TRIM44: variants seen among roughly 807,000 people sequenced by gnomAD.
TRIM44 encodes the protein tripartite motif containing 44.
Under a neutral mutation model 37.4 loss-of-function variants are expected in TRIM44, and 13 were observed. The observed-to-expected ratio is 0.35, with a 90% confidence interval of 0.23 to 0.55. TRIM44 has a LOEUF of 0.55. Ranked by LOEUF, TRIM44 falls within the 20% of genes least tolerant of loss-of-function variation. The pLI is 0.89. For missense variants in TRIM44, 426 were observed against 437.2 expected, an observed-to-expected ratio of 0.97 and a Z score of 0.23; for synonymous variants, 175 against 157.2, an observed-to-expected ratio of 1.11 and a Z score of -0.85.
chr11:35,735,608 C>G (rs1032669101), intron 4 of TRIM44, among the ~76,000 whole-genome samples, 163 bp downstream of exon 4: 4 of 152,122 alleles, frequency 2.6e-5, no homozygotes, highest in Non-Finnish European at 5.9e-5. Flanking sequence ...ACTCCCGTCT[C>G]CCTCTCATCT....
At chr11:35,765,410 C>G (rs2133862622) in intron 4 of TRIM44, among the ~76,000 whole-genome samples, 1 of 152,238 alleles carries the variant, frequency 6.6e-6, no homozygotes. Flanking sequence ...ACTAGTTCTT[C>G]CTAGGAATCA....
intron 2 of TRIM44, among the ~76,000 whole-genome samples, chr11:35,708,982 G>GCC (rs11286693): frequency 2.7e-5 from 4 of 148,108 alleles, no homozygotes; most frequent in South Asian, 2.2e-4. Flanking sequence ...ATGTTGCCAT[G>GCC]CCCCCCCCCC....
At chr11:35,731,514 T>C (rs1454579819) in intron 3 of TRIM44, among the ~76,000 whole-genome samples, 1 of 152,222 alleles carries the variant, frequency 6.6e-6, no homozygotes, top group Admixed American at 6.5e-5. Flanking sequence ...TAAGGCATAT[T>C]GGTTTATATA....
intron 4 of TRIM44, among the ~76,000 whole-genome samples, chr11:35,797,310 T>A (rs1853306442): frequency 6.6e-6 from 1 of 152,054 alleles, no homozygotes; most frequent in Non-Finnish European, 1.5e-5. Flanking sequence ...ATATAAATGA[T>A]CAAATAAATA....
chr11:35,688,825 TCAGGTGATG>T (rs1463094598), intron 2 of TRIM44, among the ~76,000 whole-genome samples: 1 of 152,248 alleles, frequency 6.6e-6, no homozygotes, highest in African/African-American at 2.4e-5. Context: ...TATGAAATTA[TCAGGTGATG>T]CTGATGTTGC....
intron 2 of TRIM44, among the ~76,000 whole-genome samples, chr11:35,707,251 A>G (rs1022943811): frequency 5.3e-5 from 8 of 152,236 alleles, no homozygotes; most frequent in African/African-American, 1.2e-4. Context: ...CCACTGCTCA[A>G]TGAAACAAAA....
intron 4 of TRIM44, among the ~76,000 whole-genome samples, chr11:35,774,088 A>G (rs1162246583): frequency 1.3e-5 from 2 of 152,242 alleles, no homozygotes; most frequent in Non-Finnish European, 2.9e-5. Flanking sequence ...AGTCCCACCA[A>G]CAGTGTAAAA....
In TRIM44 at chr11:35,806,418, T is replaced by TC. The variant is rs772820984; in HGVS notation, c.*37dup. On this transcript the variant is annotated 3_prime_UTR_variant, in exon 5 of 5. Coordinates refer to ENST00000299413, the MANE Select transcript of TRIM44 (RefSeq NM_017583.6). ...CTACCCCCAGTGGAAAATCATCCCC[T>TC]CCCCTTGTGTGTATGTGACAGCGTG... The TC allele has an allele frequency of 1.9e-6, 3 of 1,612,332 alleles. No individual in the cohort carries two copies. The highest frequency in any genetic ancestry group is 1.7e-6 in the Non-Finnish European group (2 of 1,178,650).
chr11:35,803,230 CT>C (rs1853392841), intron 4 of TRIM44, among the ~76,000 whole-genome samples: 1 of 151,252 alleles, frequency 6.6e-6, no homozygotes, highest in East Asian at 1.9e-4. Flanking sequence ...TGGTAAGTAC[CT>C]GCTATAGAAC....
rs553286622 is a variant in TRIM44, at chr11:35,793,655, G to A, written c.1008-12703G>A. 4.6e-5 allele frequency among the ~76,000 whole-genome samples: 7 copies of A among 152,290 alleles called. No homozygotes were observed. The South Asian group carries it at 1.2e-3, about 27-fold the overall frequency. On this transcript the variant is annotated intron_variant, in intron 4 of 4. Coordinates refer to ENST00000299413, the MANE Select transcript of TRIM44 (RefSeq NM_017583.6). ...GAACATCTTTAGCAACAAGGTACCA[G>A]TTACCTCCTCTGCTACTAGTAATGA... is the stretch of plus-strand genomic sequence containing the variant.
intron 2 of TRIM44, among the ~76,000 whole-genome samples, chr11:35,701,047 G>A (rs751847749): frequency 6.6e-6 from 1 of 152,064 alleles, no homozygotes; most frequent in Admixed American, 6.5e-5. Flanking sequence ...ACTGGGTTTA[G>A]GGTGGAGTCC....
intron 2 of TRIM44, among the ~76,000 whole-genome samples, chr11:35,715,285 G>C (rs140602867): frequency 2.0e-5 from 3 of 152,186 alleles, no homozygotes; most frequent in Non-Finnish European, 4.4e-5. Flanking sequence ...CCAGTCAGCT[G>C]TGACTGTGTC....
chr11:35,782,057 C>A (rs1853072743), intron 4 of TRIM44, among the ~76,000 whole-genome samples: 1 of 152,124 alleles, frequency 6.6e-6, no homozygotes, highest in Non-Finnish European at 1.5e-5. Flanking sequence ...GTATAAATGG[C>A]TCAAGTAAGG....
chr11:35,745,277 G>T (rs1450977436), intron 4 of TRIM44, among the ~76,000 whole-genome samples: 1 of 152,170 alleles, frequency 6.6e-6, no homozygotes, highest in Non-Finnish European at 1.5e-5. Flanking sequence ...TTTCTCTAAT[G>T]ATCAGTGATA....
At chr11:35,714,760 CT>C (rs1852018146) in intron 2 of TRIM44, among the ~76,000 whole-genome samples, 1 of 152,118 alleles carries the variant, frequency 6.6e-6, no homozygotes, top group Admixed American at 6.5e-5. Context: ...GCCCCTCAAA[CT>C]TTCAGTGTCA....
At chr11:35,725,102 A>C (rs1313216419) in intron 2 of TRIM44, among the ~76,000 whole-genome samples, 4 of 142,048 alleles carry the variant, frequency 2.8e-5, no homozygotes, top group African/African-American at 5.2e-5. Context: ...ACACACACAC[A>C]CACCCTCCAT....
intron 4 of TRIM44, among the ~76,000 whole-genome samples, chr11:35,770,553 CT>C (rs1346351723): frequency 1.1e-4 from 16 of 152,190 alleles, no homozygotes; most frequent in Non-Finnish European, 1.3e-4. Flanking sequence ...TCACCAGCAT[CT>C]GTTGTTTTTT....
At chr11:35,690,664 T>A (rs1851628271) in intron 2 of TRIM44, among the ~76,000 whole-genome samples, 1 of 152,258 alleles carries the variant, frequency 6.6e-6, no homozygotes, top group South Asian at 2.1e-4. Flanking sequence ...ACTTTTCATT[T>A]AAAAAGTTGT....
At chr11:35,785,541 C>G (rs1853120558) in intron 4 of TRIM44, among the ~76,000 whole-genome samples, 2 of 152,204 alleles carry the variant, frequency 1.3e-5, no homozygotes. Context: ...AGAAGAACCT[C>G]TGGGTCTCTG....
Sources: allele counts gnomAD v4.1 joint callset (sites outside exome capture counted in the v4.1 genomes callset), GRCh38; gene constraint gnomAD v4.1.1; transcripts MANE v1.5; gene names NCBI Gene and HGNC (gene_info 2026-07-23, HGNC 2026-07-21).